The following CLBA1 variants were observed in gnomAD, a reference collection of about 807,000 sequenced individuals.
CLBA1 encodes uncharacterized protein CLBA1.
CLBA1 carries 30 observed loss-of-function variants against 28.8 expected under a neutral mutation model. The observed-to-expected ratio is 1.04, with a 90% CI of 0.78 to 1.41. CLBA1 has a LOEUF of 1.41. CLBA1 is among the 40% of genes most tolerant of loss of function. CLBA1 has a pLI of 0.00. For missense variants in CLBA1, 451 were observed against 412.3 expected, an observed-to-expected ratio of 1.09 and a Z score of -0.81; for synonymous variants, 160 against 152.8, an observed-to-expected ratio of 1.05 and a Z score of -0.35.
downstream of CLBA1, among the ~76,000 whole-genome samples, chr14:104,998,825 G>C (rs1900212221): frequency 6.6e-6 from 1 of 152,272 alleles, no homozygotes; most frequent in Non-Finnish European, 1.5e-5. Flanking sequence ...CACCCTACTG[G>C]AGTGGCTCAG....
chr14:104,994,180 GTGT>G (rs1488272298), intron 4 of CLBA1: 1 of 985,328 alleles, frequency 1.0e-6, no homozygotes, highest in East Asian at 1.1e-4. Flanking sequence ...GTTCGTGGCT[GTGT>G]TGTTCACAGC....
In CLBA1 at chr14:104,988,972, G is replaced by A. The variant is rs1899942772; in HGVS notation, c.453G>A (p.Lys151=). ...TTCTCAGCTATGAGAACATTTTAAA[G>A]TGTGCTTTTCAAGAAATAACAGTCC... ...EPILSYENIL[K]CAFQEITVQQ... The change falls in exon 2 of 5, where the codon AAG becomes AAA. Residue 151 remains lysine, a synonymous_variant. Coordinates refer to ENST00000547315, the MANE Select transcript of CLBA1 (RefSeq NM_174891.4). 3 of 1,612,842 alleles carry A rather than the reference G, an allele frequency of 1.9e-6. No individual in the cohort carries two copies. The highest frequency in any genetic ancestry group is 2.7e-5 in the African/African-American group (2 of 75,000).
intron 2 of CLBA1, chr14:104,989,300 C>T: frequency 1.9e-6 from 1 of 534,152 alleles, no homozygotes; most frequent in South Asian, 2.1e-5. Context: ...TCATCCTCCT[C>T]CCCAGCCAGC....
chr14:104,995,606 C>A, downstream of CLBA1: 1 of 658,608 alleles, frequency 1.5e-6, no homozygotes, highest in Non-Finnish European at 1.9e-6. Context: ...AGCAGCCACC[C>A]TGGCTGTCTC....
chr14:104,989,606 G>A (rs1899961974), intron 2 of CLBA1: 1 of 455,990 alleles, frequency 2.2e-6, no homozygotes, highest in African/African-American at 2.0e-5. Context: ...TGCACCCGCA[G>A]TCACTCGCAG....
downstream of CLBA1, among the ~76,000 whole-genome samples, chr14:104,996,803 A>G (rs374282772): frequency 2.6e-5 from 4 of 152,362 alleles, no homozygotes; most frequent in South Asian, 8.3e-4. Context: ...CCATGCCCTG[A>G]TGCCACCCTC....
chr14:104,994,279 T>C, intron 4 of CLBA1: 1 of 985,414 alleles, frequency 1.0e-6, no homozygotes, highest in Non-Finnish European at 1.2e-6. Flanking sequence ...GCTGTGAGTG[T>C]GCAGGGTAGT....
At chr14:104,997,654 G>A (rs1336556573), downstream of CLBA1, among the ~76,000 whole-genome samples, 3 of 152,200 alleles carry the variant, frequency 2.0e-5, no homozygotes, top group Non-Finnish European at 2.9e-5. Context: ...GGCCACGCAC[G>A]CACCCACATC....
intron 3 of CLBA1, among the ~76,000 whole-genome samples, chr14:104,992,043 C>T (rs1261954445): frequency 7.4e-5 from 11 of 149,404 alleles, no homozygotes; most frequent in African/African-American, 2.5e-4. Context: ...CCGCCACGCA[C>T]ACGCCACCAC....
chr14:104,987,776 C>T (rs1899908291), intron 1 of CLBA1, among the ~76,000 whole-genome samples: 1 of 144,478 alleles, frequency 6.9e-6, no homozygotes, highest in Non-Finnish European at 1.5e-5. Context: ...CACCACCACG[C>T]CCGGCTAACT....
Position 104,991,585 on chromosome 14 carries a change from TTC to T in CLBA1, c.666_667del (p.Phe223SerfsTer24). The T allele has an allele frequency of 6.2e-7, 1 of 1,613,460 alleles. No homozygotes were observed. Among genetic ancestry groups the T allele is most frequent in the Non-Finnish European group, 8.5e-7 (1 of 1,179,710 alleles). Reference protein sequence around the residue: ...LWSESRCQENFFLVLGIDAAQ... With the variant: ...LWSESRCQENXFLVLGIDAAQ... ...GAGCGAGTCCCGTTGCCAGGAGAAC[TTC>T]TTTCTTGTTCTCGGAATAGATGCTG... is the stretch of plus-strand genomic sequence containing the variant. On this transcript the variant is annotated frameshift_variant, in exon 3 of 5. Coordinates refer to ENST00000547315, the MANE Select transcript of CLBA1 (RefSeq NM_174891.4). LOFTEE classifies it high-confidence loss of function.
At chr14:104,989,321 C>T (rs936916094) in intron 2 of CLBA1, 2 of 497,588 alleles carry the variant, frequency 4.0e-6, no homozygotes, top group African/African-American at 1.9e-5. Flanking sequence ...TCACCTGGAG[C>T]AGCTGGACCC....
chr14:104,995,553 T>C, downstream of CLBA1: 1 of 958,830 alleles, frequency 1.0e-6, no homozygotes, highest in Non-Finnish European at 1.2e-6. Context: ...GGGGGACTGA[T>C]ACCTGAAATC....
rs753454522 is a variant in CLBA1, at chr14:104,991,570, C to T, written c.649C>T (p.Arg217Cys). The change falls in exon 3 of 5, where the codon CGT (arginine) becomes TGT (cysteine). Residue 217 changes from arginine (R) to cysteine (C), a missense_variant. Physicochemically the swap from Arg to Cys is radical, Grantham distance 180. Transcript: ENST00000547315. ...STSQRLWSES[R>C]CQENFFLVLG... is the part of the protein sequence containing the mutation. ...TTCTCAGCGCCTCTGGAGCGAGTCC[C>T]GTTGCCAGGAGAACTTCTTTCTTGT... is the stretch of plus-strand genomic sequence containing the variant. 19 of 1,613,532 alleles carry T rather than the reference C, an allele frequency of 1.2e-5. No homozygotes were observed. Among genetic ancestry groups the T allele is most frequent in the East Asian group, 6.7e-5 (3 of 44,898 alleles).
Position 104,988,923 on chromosome 14 carries a change from T to C in CLBA1, c.424-20T>C, listed in dbSNP as rs1159842010. ...TGTCTTTCTCCTAACTTTGGTATGC[T>C]TTTCTTCTTTTCTTTTCAGCCCATT... is the stretch of plus-strand genomic sequence containing the variant. On this transcript the variant is annotated intron_variant, in intron 1 of 4. Coordinates refer to ENST00000547315, the MANE Select transcript of CLBA1 (RefSeq NM_174891.4). 2 of 1,587,340 alleles carry C rather than the reference T, an allele frequency of 1.3e-6. No homozygotes were observed. Among genetic ancestry groups the C allele is most frequent in the African/African-American group, 2.7e-5 (2 of 73,736 alleles).
chr14:104,992,750 A>AGG (rs1900069485), intron 3 of CLBA1, among the ~76,000 whole-genome samples, 198 bp from the exon 4 acceptor site: 1 of 152,188 alleles, frequency 6.6e-6, no homozygotes, highest in African/African-American at 2.4e-5. Context: ...GAGGTCCTGA[A>AGG]GGGGAGCGAG....
intron 3 of CLBA1, among the ~76,000 whole-genome samples, chr14:104,992,658 A>G (rs911918338): frequency 1.3e-5 from 2 of 152,248 alleles, no homozygotes; most frequent in African/African-American, 4.8e-5. Context: ...GGTGCGGGCC[A>G]GCTCCGAGTG....
At chr14:104,991,929 C>T (rs551111842) in intron 3 of CLBA1, among the ~76,000 whole-genome samples, 4 of 151,774 alleles carry the variant, frequency 2.6e-5, no homozygotes, top group South Asian at 2.1e-4. Context: ...GCCGCCGCCA[C>T]GCACATGCCA....
chr14:104,991,989 C>T (rs116407317), intron 3 of CLBA1, among the ~76,000 whole-genome samples: 5,919 of 147,664 alleles, frequency 0.04, 379 homozygotes, highest in African/African-American at 0.14. Flanking sequence ...CCTCACACGC[C>T]GCCATGCACA....
Sources: allele counts gnomAD v4.1 joint callset (sites outside exome capture counted in the v4.1 genomes callset), GRCh38; gene constraint gnomAD v4.1.1; transcripts MANE v1.5; gene names NCBI Gene and HGNC (gene_info 2026-07-23, HGNC 2026-07-21).